THADA: variants seen among roughly 807,000 people sequenced by gnomAD.
THADA encodes the protein tRNA (32-2'-O)-methyltransferase regulator THADA.
Under a neutral mutation model 219.8 loss-of-function variants are expected in THADA, and 213 were observed. The observed-to-expected ratio is 0.97, with a 90% confidence interval of 0.87 to 1.09. THADA has a LOEUF of 1.09. Ranked by LOEUF, THADA falls within the 50% of genes least tolerant of loss-of-function variation. The probability of loss-of-function intolerance (pLI) is 0.00; values close to 1 mark genes in which losing one functional copy is unlikely to be tolerated. For synonymous variants in THADA, 1,018 were observed against 828.9 expected (o/e 1.23, Z -3.92); for missense variants, 2,956 against 2,311.3 (o/e 1.28, Z -5.72).
Position 43,290,990 on chromosome 2 carries a change from G to A in THADA, c.5010+706C>T, listed in dbSNP as rs117514641. ...ATATTTAAGCCTTAGCGATGTATTT[G>A]CATACTTAGTTCACTAGGTTGCAAT... On this transcript the variant is annotated intron_variant, in intron 34 of 37. Transcript: ENST00000405975. 3.4e-4 allele frequency among the ~76,000 whole-genome samples: 52 copies of A among 152,120 alleles called. 3 individuals are homozygous for A. In the East Asian group the frequency reaches 9.8e-3, roughly 29 times the overall value.
At chr2:43,469,252 T>C (rs756966745) in intron 26 of THADA, among the ~76,000 whole-genome samples, 26 of 152,130 alleles carry the variant, frequency 1.7e-4, no homozygotes, top group Admixed American at 1.4e-3. Flanking sequence ...AATAGGGAGA[T>C]TGGCTTGATT....
At chr2:43,302,365 T>C (rs1377495269) in intron 31 of THADA, among the ~76,000 whole-genome samples, 1 of 152,180 alleles carries the variant, frequency 6.6e-6, no homozygotes, top group African/African-American at 2.4e-5. Context: ...GGAAAGTCTT[T>C]GTACTTTCCC....
At chr2:43,390,248 T>A (rs536042985) in intron 29 of THADA, among the ~76,000 whole-genome samples, 1 of 152,196 alleles carries the variant, frequency 6.6e-6, no homozygotes, top group Non-Finnish European at 1.5e-5. Flanking sequence ...CTGGCATCTA[T>A]AGTATGACCA....
At chr2:43,432,925 A>G (rs1573620900) in intron 26 of THADA, among the ~76,000 whole-genome samples, 1 of 152,148 alleles carries the variant, frequency 6.6e-6, no homozygotes, top group Non-Finnish European at 1.5e-5. Flanking sequence ...GTGGCTTGCC[A>G]ACTTATTTAA....
chr2:43,261,938 T>A (rs901544901), intron 36 of THADA, among the ~76,000 whole-genome samples: 1 of 151,664 alleles, frequency 6.6e-6, no homozygotes, highest in Non-Finnish European at 1.5e-5. Flanking sequence ...CGCCTGGCAA[T>A]TTTTTGTATT....
intron 24 of THADA, among the ~76,000 whole-genome samples, chr2:43,499,479 C>T (rs1387457550): frequency 6.6e-6 from 1 of 152,140 alleles, no homozygotes; most frequent in Non-Finnish European, 1.5e-5. Context: ...CAGGTTCAAG[C>T]GATTCTCCTG....
chr2:43,354,816 G>C (rs985347583), intron 29 of THADA, among the ~76,000 whole-genome samples: 1 of 152,160 alleles, frequency 6.6e-6, no homozygotes, highest in African/African-American at 2.4e-5. Context: ...CATGTATTGA[G>C]GGAGGGACCC....
At chr2:43,343,636 CT>C in intron 30 of THADA, 1 of 152,494 alleles carries the variant, frequency 6.6e-6, no homozygotes, top group Admixed American at 6.5e-5. Context: ...TGTTTCTATT[CT>C]TTTTTGCCTT....
intron 25 of THADA, among the ~76,000 whole-genome samples, chr2:43,496,081 G>A (rs750053251): frequency 5.3e-5 from 8 of 152,120 alleles, no homozygotes; most frequent in Non-Finnish European, 1.2e-4. Flanking sequence ...TTATCATACA[G>A]GTAAGAAATG....
In THADA at chr2:43,461,639, G is replaced by A. The variant is rs187943014; in HGVS notation, c.3836+23595C>T. 3.2e-3 allele frequency among the ~76,000 whole-genome samples: 487 copies of A among 152,248 alleles called. 1 individual carries two copies. The highest frequency in any genetic ancestry group is 5.4e-3 in the Non-Finnish European group (370 of 67,994). On this transcript the variant is annotated intron_variant, in intron 26 of 37. Coordinates refer to ENST00000405975, the MANE Select transcript of THADA (RefSeq NM_022065.5). Reference sequence around the variant, plus strand: ...TGAATGCAAAATGAAAATACTGGAGGGGACTCAGCTAATCTGCTAACTCAG... The same window carrying A: ...TGAATGCAAAATGAAAATACTGGAGAGGACTCAGCTAATCTGCTAACTCAG...
Position 43,481,858 on chromosome 2 carries a change from C to G in THADA, c.3836+3376G>C, listed in dbSNP as rs143518952. ...CATGAAGCTTTGGCAAAGCACACTCCAAGAAGTCAAAAATAAACCTTTTCT... is the reference window on the plus strand; with the variant it reads ...CATGAAGCTTTGGCAAAGCACACTCGAAGAAGTCAAAAATAAACCTTTTCT... On this transcript the variant is annotated intron_variant, in intron 26 of 37. Transcript: ENST00000405975. Among the ~76,000 whole-genome samples the G allele has an allele frequency of 2.7e-3, 409 of 152,228 alleles. 1 individual carries two copies. The highest frequency in any genetic ancestry group is 4.6e-3 in the Admixed American group (70 of 15,296).
At chr2:43,395,049 C>A (rs1298865555) in intron 29 of THADA, among the ~76,000 whole-genome samples, 4 of 152,126 alleles carry the variant, frequency 2.6e-5, no homozygotes, top group Non-Finnish European at 5.9e-5. Context: ...TGTTGCTGGG[C>A]AGACTGGTGA....
intron 8 of THADA, among the ~76,000 whole-genome samples, chr2:43,579,039 C>T (rs2043334583): frequency 6.6e-6 from 1 of 152,150 alleles, no homozygotes; most frequent in South Asian, 2.1e-4. Flanking sequence ...ACCACGTTGG[C>T]CATGATGGTC....
chr2:43,238,574 AT>A (rs1668303464), intron 36 of THADA, among the ~76,000 whole-genome samples: 1 of 152,230 alleles, frequency 6.6e-6, no homozygotes, highest in African/African-American at 2.4e-5. Flanking sequence ...TCCTCAAAAG[AT>A]TAAACCTATG....
chr2:43,510,233 T>C (rs1483841228), intron 22 of THADA, among the ~76,000 whole-genome samples: 1 of 152,212 alleles, frequency 6.6e-6, no homozygotes, highest in African/African-American at 2.4e-5. Flanking sequence ...GGATGTGTTT[T>C]AGAATACTTC....
At chr2:43,566,516 T>TA in intron 15 of THADA, 182 bp downstream of exon 15, 1 of 750,560 alleles carries the variant, frequency 1.3e-6, no homozygotes, top group Non-Finnish European at 2.4e-6. Flanking sequence ...AAAAGGGAGA[T>TA]AGTTTCTTCC....
chr2:43,537,765 A>C (rs751009578), intron 21 of THADA, among the ~76,000 whole-genome samples: 6 of 151,974 alleles, frequency 3.9e-5, no homozygotes, highest in Non-Finnish European at 7.4e-5. Flanking sequence ...CCAGGAATTC[A>C]AAACCAGCCT....
Position 43,320,524 on chromosome 2 carries a change from C to T in THADA, c.4360G>A (p.Val1454Met), listed in dbSNP as rs373483202. 2.5e-6 allele frequency: 4 copies of T among 1,611,336 alleles called. No individual in the cohort carries two copies. The highest frequency in any genetic ancestry group is 3.4e-6 in the Non-Finnish European group (4 of 1,178,936). ...WLAKRQNPCL[V>M]TRAVYIDILF... ...ATATCAATATATACAGCTCTGGTCA[C>T]CAAACATGGATTTTGCCTAGAAAGG... Residue 1454 changes from valine (V) to methionine (M), a missense_variant, in exon 31 of 38, where the codon GTG (valine) becomes ATG (methionine). Coordinates refer to ENST00000405975, the MANE Select transcript of THADA (RefSeq NM_022065.5).
intron 33 of THADA, 96 bp from the exon 34 acceptor site, chr2:43,291,864 T>C: frequency 9.0e-7 from 1 of 1,111,986 alleles, no homozygotes; most frequent in African/African-American, 1.6e-5. Context: ...CATGCAGAGG[T>C]GAATACTGAA....
Sources: allele counts gnomAD v4.1 joint callset (sites outside exome capture counted in the v4.1 genomes callset), GRCh38; gene constraint gnomAD v4.1.1; transcripts MANE v1.5; gene names NCBI Gene and HGNC (gene_info 2026-07-23, HGNC 2026-07-21).